The following MEIS2 variants were observed in gnomAD, a reference collection of about 807,000 sequenced individuals.
MEIS2 encodes Meis homeobox 2.
Under a neutral mutation model 58.6 loss-of-function variants are expected in MEIS2, and 9 were observed. The observed-to-expected ratio is 0.15, with a 90% CI of 0.09 to 0.27. The LOEUF (loss-of-function observed/expected upper bound fraction) is 0.27. Among genes scored for constraint, MEIS2 ranks in the 10% least tolerant of loss-of-function variants. The probability of loss-of-function intolerance (pLI) is 1.00; values close to 1 mark genes in which losing one functional copy is unlikely to be tolerated. For missense variants in MEIS2, 427 were observed against 635.0 expected (o/e 0.67, Z 3.52); for synonymous variants, 221 against 228.4 (o/e 0.97, Z 0.29).
At chr15:36,958,968 GA>G (rs1466884431) in intron 8 of MEIS2, among the ~76,000 whole-genome samples, 2 of 152,190 alleles carry the variant, frequency 1.3e-5, no homozygotes, top group Non-Finnish European at 2.9e-5. Context: ...TGTTGAAATA[GA>G]TTTCAAAACA....
At chr15:36,995,418 C>A (rs2060441889) in intron 8 of MEIS2, among the ~76,000 whole-genome samples, 1 of 151,914 alleles carries the variant, frequency 6.6e-6, no homozygotes, top group Admixed American at 6.6e-5. Context: ...CCAGTACATT[C>A]CTGATTGAAC....
chr15:36,895,172 G>A lies in MEIS2; in HGVS notation c.1126C>T (p.His376Tyr). Residue 376 changes from histidine (H) to tyrosine (Y), a missense_variant, in exon 11 of 12, where the codon CAC (histidine) becomes TAC (tyrosine). His to Tyr is a moderately conservative substitution (Grantham distance 83). Transcript: ENST00000561208. ...CTACCTGCAGGCCGGATCCCCATGT[G>A]TTGCTGACCATCCAACACAAAGCTC... ...MGSFVLDGQQ[H>Y]MGIRPAGLQS... 1 of 1,614,040 alleles carries A rather than the reference G, an allele frequency of 6.2e-7. No individual in the cohort carries two copies. Among genetic ancestry groups the A allele is most frequent in the Non-Finnish European group, 8.5e-7 (1 of 1,180,024 alleles).
intron 7 of MEIS2, among the ~76,000 whole-genome samples, chr15:37,041,481 C>T (rs977169066): frequency 1.2e-4 from 19 of 152,306 alleles, no homozygotes; most frequent in African/African-American, 4.6e-4. Context: ...AAGGAAGTCA[C>T]GCATGCTTTC....
At chr15:36,917,004 T>C (rs949173427) in intron 9 of MEIS2, among the ~76,000 whole-genome samples, 1 of 152,126 alleles carries the variant, frequency 6.6e-6, no homozygotes, top group Non-Finnish European at 1.5e-5. Context: ...CATGCACACA[T>C]ATGCGCACAC....
chr15:37,032,326 G>A (rs1291057740), intron 8 of MEIS2, among the ~76,000 whole-genome samples: 1 of 152,230 alleles, frequency 6.6e-6, no homozygotes, highest in Non-Finnish European at 1.5e-5. Context: ...AAGGTGGCAA[G>A]TGGAGGTGCC....
chr15:37,036,898 C>T lies in MEIS2; in HGVS notation c.816G>A (p.Lys272=). 1 of 1,613,692 alleles carries T rather than the reference C, an allele frequency of 6.2e-7. No individual in the cohort carries two copies. Among genetic ancestry groups the T allele is most frequent in the Non-Finnish European group, 8.5e-7 (1 of 1,179,882 alleles). Residue 272 remains lysine (K), a synonymous_variant, in exon 8 of 12, where the codon AAG becomes AAA. Coordinates refer to ENST00000561208, the MANE Select transcript of MEIS2 (RefSeq NM_170675.5). ...CTCTTTTCTTCTGGCGTTTTTTGTCCTTATCCGGATCATCATCGTCACCTG... is the reference window on the plus strand; with the variant it reads ...CTCTTTTCTTCTGGCGTTTTTTGTCTTTATCCGGATCATCATCGTCACCTG... ...PGTGDDDDPD[K]DKKRQKKRGI...
At chr15:36,894,729 T>A in intron 11 of MEIS2, 1 of 1,612,822 alleles carries the variant, frequency 6.2e-7, no homozygotes, top group Non-Finnish European at 8.5e-7. Flanking sequence ...CCCCCTTGCT[T>A]TGCGATTGCT....
chr15:36,936,197 C>CTT (rs397953201), intron 9 of MEIS2, among the ~76,000 whole-genome samples: 44 of 139,116 alleles, frequency 3.2e-4, no homozygotes, highest in East Asian at 1.9e-3. Context: ...CATTTTCTTT[C>CTT]TTTTTTTTTT....
chr15:36,950,220 C>T (rs2058707991), intron 9 of MEIS2, 104 bp downstream of exon 9: 7 of 1,040,352 alleles, frequency 6.7e-6, no homozygotes, highest in Non-Finnish European at 9.9e-6. Context: ...AGTTATCCTC[C>T]TCGATTTCAT....
intron 9 of MEIS2, among the ~76,000 whole-genome samples, chr15:36,932,583 G>T (rs2058022761): frequency 6.6e-6 from 1 of 151,986 alleles, no homozygotes; most frequent in African/African-American, 2.4e-5. Context: ...GCTGGCTTTT[G>T]TTCATTTGTT....
intron 9 of MEIS2, among the ~76,000 whole-genome samples, chr15:36,929,640 G>T (rs926552308): frequency 6.6e-6 from 1 of 152,146 alleles, no homozygotes. Flanking sequence ...CAGAGGGTCC[G>T]CTTTGTCCCA....
At chr15:37,072,535 T>C (rs985090212) in intron 7 of MEIS2, among the ~76,000 whole-genome samples, 1 of 152,114 alleles carries the variant, frequency 6.6e-6, no homozygotes, top group Non-Finnish European at 1.5e-5. Context: ...CAAACAGCAA[T>C]ATCAACCCAG....
At chr15:36,992,895 T>C (rs2060347405) in intron 8 of MEIS2, among the ~76,000 whole-genome samples, 1 of 152,198 alleles carries the variant, frequency 6.6e-6, no homozygotes, top group South Asian at 2.1e-4. Flanking sequence ...AAGGTAATCA[T>C]ATTACCTAAC....
rs182022779 is a variant in MEIS2 at position 36,930,262 on chromosome 15, C to A, written c.977+20062G>T. Among the ~76,000 whole-genome samples, 675 of 143,062 alleles carry A rather than the reference C, an allele frequency of 4.7e-3. 8 individuals carry two copies. In the Middle Eastern group the frequency reaches 0.048, roughly 10 times the overall value. 93.9% of individuals were successfully genotyped at this position (143,062 alleles called of 152,430 possible). On this transcript the variant is annotated intron_variant, in intron 9 of 11. Coordinates refer to ENST00000561208, the MANE Select transcript of MEIS2 (RefSeq NM_170675.5). ...AAAAAAGTTATCCACAGAGAATAAA[C>A]CACAGAGATATGTAGAGCTGATTGC...
At chr15:37,087,179 T>C (rs942482601) in intron 6 of MEIS2, among the ~76,000 whole-genome samples, 3 of 152,108 alleles carry the variant, frequency 2.0e-5, no homozygotes, top group Admixed American at 2.0e-4. Flanking sequence ...ACAATATATG[T>C]CCTGTTCTCC....
In MEIS2 at chr15:37,013,559, CA is replaced by C. The variant is rs1407300001; in HGVS notation, c.900+23254del. Among the ~76,000 whole-genome samples the C allele has an allele frequency of 5.5e-5, 8 of 144,184 alleles. No individual in the cohort carries two copies. The South Asian group carries it at 1.8e-3, about 32-fold the overall frequency. 94.6% of individuals were successfully genotyped at this position (144,184 alleles called of 152,430 possible). A position where few individuals can be genotyped will look rare whatever the true frequency, so the allele number is the denominator to read the frequency against. On this transcript the variant is annotated intron_variant, in intron 8 of 11. Coordinates refer to ENST00000561208, the MANE Select transcript of MEIS2 (RefSeq NM_170675.5). Reference sequence around the variant, plus strand: ...TGTACTCCAGCCTGGGCAACAAGAGCAAAACTCCAACTCAAAAAAAAAAATT... The same window carrying C: ...TGTACTCCAGCCTGGGCAACAAGAGCAAACTCCAACTCAAAAAAAAAAATT...
chr15:36,929,762 G>A (rs2141326054), intron 9 of MEIS2, among the ~76,000 whole-genome samples: 1 of 152,290 alleles, frequency 6.6e-6, no homozygotes, highest in African/African-American at 2.4e-5. Context: ...TTTTGAAGGA[G>A]GCAGCAAACC....
chr15:36,940,467 A>G (rs2058335699), intron 9 of MEIS2, among the ~76,000 whole-genome samples: 1 of 152,038 alleles, frequency 6.6e-6, no homozygotes, highest in African/African-American at 2.4e-5. Context: ...TGTTTTTTTA[A>G]TTGGTATCAC....
intron 8 of MEIS2, among the ~76,000 whole-genome samples, chr15:37,024,189 C>A (rs1003046169): frequency 6.6e-6 from 1 of 152,012 alleles, no homozygotes; most frequent in African/African-American, 2.4e-5. Flanking sequence ...TGAGCCACTG[C>A]GCCTGTCCTG....
Sources: allele counts gnomAD v4.1 joint callset (sites outside exome capture counted in the v4.1 genomes callset), GRCh38; gene constraint gnomAD v4.1.1; transcripts MANE v1.5; gene names NCBI Gene and HGNC (gene_info 2026-07-23, HGNC 2026-07-21).